BANK1: variants seen among roughly 807,000 people sequenced by gnomAD.
BANK1 encodes the protein B cell scaffold protein with ankyrin repeats 1, also known as B-cell scaffold protein with ankyrin repeats.
In BANK1, 95 loss-of-function variants were observed where a neutral mutation model predicts 94.5. That is an observed-to-expected ratio of 1.00 (90% CI 0.85 to 1.19). BANK1 has a LOEUF of 1.19. Among genes scored for constraint, BANK1 ranks in the 50% most tolerant of loss-of-function variants. BANK1 has a pLI of 0.00. For missense variants in BANK1, 987 were observed against 932.2 expected (o/e 1.06, Z -0.77); for synonymous variants, 334 against 308.4 (o/e 1.08, Z -0.87).
At chr4:101,844,867 C>G (rs1727187192) in intron 2 of BANK1, among the ~76,000 whole-genome samples, 1 of 152,040 alleles carries the variant, frequency 6.6e-6, no homozygotes, top group South Asian at 2.1e-4. Context: ...ATAGAGTGAT[C>G]CTCAAGGAAA....
Position 101,813,542 on chromosome 4 carries a change from A to G in BANK1, c.71-16266A>G, listed in dbSNP as rs569566991. Among the ~76,000 whole-genome samples the G allele has an allele frequency of 1.8e-3, 281 of 152,298 alleles. 1 individual carries two copies. The highest frequency in any genetic ancestry group is 3.3e-3 in the Non-Finnish European group (227 of 68,018). The stretch of plus-strand genomic sequence containing the variant: ...CTTGATAATCCTTTCCTGAACCCCA[A>G]TTCTGGAAATTCTGATTTGATCAAG... On this transcript the variant is annotated intron_variant, in intron 1 of 16. Coordinates refer to ENST00000322953, the MANE Select transcript of BANK1 (RefSeq NM_017935.5).
At position 102,067,843 on chromosome 4, in the gene BANK1, C is replaced by A. The variant is rs1446939456; in HGVS notation, c.2213-3432C>A. ...ATAAATAATTTTTTAAGTCAGAATACATATTTATTAAAGGTATACATGGAG... is the reference window on the plus strand; with the variant it reads ...ATAAATAATTTTTTAAGTCAGAATAAATATTTATTAAAGGTATACATGGAG... On this transcript the variant is annotated intron_variant, in intron 13 of 16. Coordinates refer to ENST00000322953, the MANE Select transcript of BANK1 (RefSeq NM_017935.5). 3.3e-5 allele frequency among the ~76,000 whole-genome samples: 5 copies of A among 152,028 alleles called. No homozygotes were observed. The East Asian group carries it at 9.6e-4, about 29-fold the overall frequency.
At chr4:101,846,012 C>T (rs1727229987) in intron 2 of BANK1, among the ~76,000 whole-genome samples, 1 of 152,128 alleles carries the variant, frequency 6.6e-6, no homozygotes, top group African/African-American at 2.4e-5. Flanking sequence ...CTATCCCTCC[C>T]CCCTTCCCCC....
intron 6 of BANK1, among the ~76,000 whole-genome samples, chr4:101,907,077 G>A (rs781282308): frequency 2.6e-5 from 4 of 152,200 alleles, no homozygotes; most frequent in Admixed American, 6.5e-5. Flanking sequence ...TATGGGAAAC[G>A]AAGGGATGGG....
chr4:101,884,593 A>AT (rs1055778202), intron 5 of BANK1, among the ~76,000 whole-genome samples: 2 of 152,052 alleles, frequency 1.3e-5, no homozygotes, highest in Non-Finnish European at 2.9e-5. Flanking sequence ...TTTAAACCCC[A>AT]TTTTTTCAGT....
intron 7 of BANK1, among the ~76,000 whole-genome samples, chr4:101,967,087 C>T (rs1045154779): frequency 2.6e-5 from 4 of 152,022 alleles, no homozygotes; most frequent in Non-Finnish European, 5.9e-5. Flanking sequence ...AGGTAATACG[C>T]GTACTGCTTT....
intron 7 of BANK1, among the ~76,000 whole-genome samples, chr4:101,968,021 G>T (rs1724821426): frequency 1.3e-5 from 2 of 151,992 alleles, no homozygotes; most frequent in Admixed American, 1.3e-4. Flanking sequence ...GTGAGGGAAA[G>T]CATATTGGTC....
intron 1 of BANK1, among the ~76,000 whole-genome samples, chr4:101,820,173 C>T (rs1726085159): frequency 6.6e-6 from 1 of 152,154 alleles, no homozygotes; most frequent in Non-Finnish European, 1.5e-5. Context: ...TAAAATACAA[C>T]CATATTGATA....
At chr4:101,882,183 C>T (rs1222891652) in intron 5 of BANK1, among the ~76,000 whole-genome samples, 1 of 151,624 alleles carries the variant, frequency 6.6e-6, no homozygotes, top group African/African-American at 2.4e-5. Flanking sequence ...TCTCATGTCC[C>T]CCATAAATAT....
At chr4:102,023,081 T>C (rs1726969832) in intron 8 of BANK1, among the ~76,000 whole-genome samples, 1 of 152,210 alleles carries the variant, frequency 6.6e-6, no homozygotes, top group Admixed American at 6.5e-5. Flanking sequence ...CTAAATCACA[T>C]GCTCAAAGGG....
chr4:101,914,139 C>T (rs1207443622), intron 6 of BANK1, among the ~76,000 whole-genome samples: 1 of 152,132 alleles, frequency 6.6e-6, no homozygotes, highest in Non-Finnish European at 1.5e-5. Flanking sequence ...GAATAAACAA[C>T]AGAGAATCAA....
At chr4:101,949,401 A>G (rs1320013789) in intron 7 of BANK1, among the ~76,000 whole-genome samples, 1 of 152,136 alleles carries the variant, frequency 6.6e-6, no homozygotes, top group Admixed American at 6.6e-5. Context: ...AGACAGGGAT[A>G]TCGGGATGCC....
intron 2 of BANK1, among the ~76,000 whole-genome samples, chr4:101,842,803 C>T (rs900059214): frequency 6.6e-6 from 1 of 152,178 alleles, no homozygotes; most frequent in East Asian, 1.9e-4. Context: ...TTTCCCTTTC[C>T]TCATCACCTA....
At chr4:102,069,043 C>A (rs1414686047) in intron 13 of BANK1, among the ~76,000 whole-genome samples, 3 of 151,920 alleles carry the variant, frequency 2.0e-5, no homozygotes, top group Non-Finnish European at 4.4e-5. Context: ...GAGGACAAGG[C>A]AGATACAGGA....
chr4:102,072,239 C>A, intron 14 of BANK1, 106 bp from the exon 15 acceptor site: 3 of 939,738 alleles, frequency 3.2e-6, no homozygotes, highest in Non-Finnish European at 4.9e-6. Flanking sequence ...TTTTTCTTTT[C>A]ACCCATATCT....
rs376933355 is a variant in BANK1, at chr4:102,007,146, T to TTATATATATATATATA, written c.1207-14359_1207-14344dup. ...TTTATATATATATAAAAAATATATT[T>TTATATATATATATATA]TATATATATATATATATATATATAA... On this transcript the variant is annotated intron_variant, in intron 7 of 16. Transcript: ENST00000322953. 1.8e-4 allele frequency among the ~76,000 whole-genome samples: 7 copies of TTATATATATATATATA among 38,068 alleles called. 2 individuals carry two copies. The highest frequency in any genetic ancestry group is 2.7e-4 in the Non-Finnish European group (4 of 14,774). The allele number at this position is 38,068 out of a possible 152,430, so 25.0% of individuals were successfully genotyped here.
chr4:101,845,839 G>C (rs1727221500), intron 2 of BANK1, among the ~76,000 whole-genome samples: 1 of 152,204 alleles, frequency 6.6e-6, no homozygotes, highest in Non-Finnish European at 1.5e-5. Context: ...TTTTACTAGA[G>C]ATTTGGGCCA....
At chr4:102,021,128 TAAG>T (rs1726882476) in intron 7 of BANK1, among the ~76,000 whole-genome samples, 1 of 147,354 alleles carries the variant, frequency 6.8e-6, no homozygotes, top group African/African-American at 2.5e-5. Context: ...TAATTGTAAT[TAAG>T]AATATCTTTT....
At chr4:102,054,177 G>C (rs558704297) in intron 11 of BANK1, among the ~76,000 whole-genome samples, 22 of 88,652 alleles carry the variant, frequency 2.5e-4, no homozygotes, top group Non-Finnish European at 4.3e-4. Context: ...AAAATGGATT[G>C]ATTATTTGTA....
Sources: gnomAD v4.1 joint callset for allele counts (sites outside exome capture counted in the v4.1 genomes callset) on GRCh38, gnomAD v4.1.1 for gene constraint, MANE v1.5 for transcripts, NCBI Gene and HGNC (gene_info 2026-07-23, HGNC 2026-07-21) for gene names.